The following PLD5 variants were observed in gnomAD, a reference collection of about 807,000 sequenced individuals.
PLD5 encodes inactive phospholipase D5.
Under a neutral mutation model 61.1 loss-of-function variants are expected in PLD5, and 36 were observed. That is an observed-to-expected ratio of 0.59 (90% CI 0.45 to 0.78). The LOEUF is 0.78. Ranked by LOEUF, PLD5 falls within the 30% of genes least tolerant of loss-of-function variation. The pLI, the probability that PLD5 is intolerant of heterozygous loss-of-function variation, is 0.00. For missense variants in PLD5, 515 were observed against 644.4 expected (o/e 0.80, Z 2.17); for synonymous variants, 243 against 242.8 (o/e 1.00, Z -0.01).
At chr1:242,362,386 T>C (rs1661117124) in intron 1 of PLD5, among the ~76,000 whole-genome samples, 1 of 152,214 alleles carries the variant, frequency 6.6e-6, no homozygotes, top group African/African-American at 2.4e-5. Context: ...TCATTTTCTT[T>C]TTGATTTCTT....
At position 242,470,366 on chromosome 1, in the gene PLD5, GAAAGAAAGAAAGAAAAA is replaced by G. The variant is rs1389593920; in HGVS notation, c.189+53705_189+53721del. 1.1e-3 allele frequency among the ~76,000 whole-genome samples: 82 copies of G among 75,000 alleles called. 1 individual carries two copies. The highest frequency in any genetic ancestry group is 3.2e-3 in the African/African-American group (56 of 17,738). The allele number at this position is 75,000 out of a possible 152,430, so 49.2% of individuals were successfully genotyped here. On this transcript the variant is annotated intron_variant, in intron 1 of 9. Transcript: ENST00000536534. ...CAAAGAAAAAAAAAAAAGAAAGAAA[GAAAGAAAGAAAGAAAAA>G]AAAGAAAGAAAGAAAATTGGGAAAG...
At chr1:242,223,896 T>C (rs1413520056) in intron 4 of PLD5, among the ~76,000 whole-genome samples, 1 of 151,906 alleles carries the variant, frequency 6.6e-6, no homozygotes, top group Non-Finnish European at 1.5e-5. Flanking sequence ...ATGTCTAACA[T>C]GTCCCTCAGT....
rs879266169 is a variant in PLD5 at position 242,167,067 on chromosome 1, CAATAATAATAGTAATAAT to C, written c.736-42420_736-42403del. On this transcript the variant is annotated intron_variant, in intron 5 of 9. Coordinates refer to ENST00000536534, the MANE Select transcript of PLD5 (RefSeq NM_001372062.1). Reference sequence around the variant, plus strand: ...CTGGTAGCCTTTTGAGAGTGAGAGACAATAATAATAGTAATAATAATAATAATAATAATAATAATAATA... The same window carrying C: ...CTGGTAGCCTTTTGAGAGTGAGAGACAATAATAATAATAATAATAATAATA... 3.4e-3 allele frequency among the ~76,000 whole-genome samples: 188 copies of C among 55,242 alleles called. 1 individual carries two copies. Among genetic ancestry groups the C allele is most frequent in the African/African-American group, 0.01 (148 of 14,584 alleles). The allele number at this position is 55,242 out of a possible 152,430, so 36.2% of individuals were successfully genotyped here.
chr1:242,360,321 C>T (rs1660996533), intron 1 of PLD5, among the ~76,000 whole-genome samples: 1 of 151,586 alleles, frequency 6.6e-6, no homozygotes, highest in Non-Finnish European at 1.5e-5. Flanking sequence ...TAAATACACC[C>T]TAATGAAAAA....
At chr1:242,386,960 C>T (rs1367312173) in intron 1 of PLD5, among the ~76,000 whole-genome samples, 1 of 152,092 alleles carries the variant, frequency 6.6e-6, no homozygotes, top group African/African-American at 2.4e-5. Context: ...GACTGTTACA[C>T]CAACCCTTTA....
At chr1:242,212,799 G>A (rs1442212332) in intron 5 of PLD5, among the ~76,000 whole-genome samples, 1 of 152,132 alleles carries the variant, frequency 6.6e-6, no homozygotes, top group African/African-American at 2.4e-5. Flanking sequence ...GCTAAGATTT[G>A]AGTAAAATTT....
chr1:242,208,021 C>T (rs1034555528), intron 5 of PLD5, among the ~76,000 whole-genome samples: 1 of 140,094 alleles, frequency 7.1e-6, no homozygotes, highest in African/African-American at 2.7e-5. Flanking sequence ...CACACACACA[C>T]ACATACATAT....
At chr1:242,309,333 A>G (rs902550971) in intron 2 of PLD5, among the ~76,000 whole-genome samples, 5 of 151,620 alleles carry the variant, frequency 3.3e-5, no homozygotes, top group African/African-American at 7.3e-5. Flanking sequence ...AACAACAACA[A>G]CAACAACAAA....
chr1:242,408,878 C>T (rs1664387183), intron 1 of PLD5, among the ~76,000 whole-genome samples: 1 of 152,008 alleles, frequency 6.6e-6, no homozygotes, highest in South Asian at 2.1e-4. Flanking sequence ...ACCAGCCTGG[C>T]CAACATGGTG....
chr1:242,467,691 C>T (rs1329620253), intron 1 of PLD5, among the ~76,000 whole-genome samples: 2 of 152,170 alleles, frequency 1.3e-5, no homozygotes, highest in African/African-American at 4.8e-5. Flanking sequence ...ACAGAACCGG[C>T]GTTCCTAAGA....
At chr1:242,396,025 G>T (rs1343901353) in intron 1 of PLD5, among the ~76,000 whole-genome samples, 1 of 152,066 alleles carries the variant, frequency 6.6e-6, no homozygotes, top group Non-Finnish European at 1.5e-5. Flanking sequence ...TCCAGCCTGG[G>T]TAATAAGAAT....
chr1:242,419,571 C>CTTTTTTT (rs1558550692), intron 1 of PLD5, among the ~76,000 whole-genome samples: 2 of 39,384 alleles, frequency 5.1e-5, no homozygotes, highest in African/African-American at 2.2e-4. Context: ...AAATTTTTTG[C>CTTTTTTT]ATTTTTTTTT....
intron 4 of PLD5, among the ~76,000 whole-genome samples, chr1:242,257,274 C>T (rs1381574287): frequency 6.6e-6 from 1 of 152,086 alleles, no homozygotes; most frequent in African/African-American, 2.4e-5. Context: ...AAAGTTATCA[C>T]AAAACATATA....
intron 1 of PLD5, among the ~76,000 whole-genome samples, chr1:242,372,080 T>C (rs1194610271): frequency 1.3e-5 from 2 of 152,204 alleles, no homozygotes; most frequent in African/African-American, 4.8e-5. Flanking sequence ...TGTGTCCGTG[T>C]GTTCTCATTG....
chr1:242,423,713 T>A (rs887561941), intron 1 of PLD5, among the ~76,000 whole-genome samples: 1 of 152,104 alleles, frequency 6.6e-6, no homozygotes, highest in East Asian at 1.9e-4. Context: ...TGTATGGGAA[T>A]CCCCTTATCA....
intron 8 of PLD5, among the ~76,000 whole-genome samples, chr1:242,102,261 A>G (rs1660746869): frequency 6.6e-6 from 1 of 152,218 alleles, no homozygotes; most frequent in African/African-American, 2.4e-5. Context: ...TAAAATATAC[A>G]TCTTGAGTTA....
chr1:242,288,699 C>A (rs888530226), intron 2 of PLD5, among the ~76,000 whole-genome samples, 169 bp from the exon 3 acceptor site: 3 of 152,200 alleles, frequency 2.0e-5, no homozygotes, highest in Non-Finnish European at 4.4e-5. Flanking sequence ...TTACATTTAA[C>A]CTCTACTAAC....
At chr1:242,176,366 G>C (rs993114770) in intron 5 of PLD5, among the ~76,000 whole-genome samples, 3 of 152,080 alleles carry the variant, frequency 2.0e-5, no homozygotes, top group African/African-American at 7.2e-5. Context: ...ATGGTGTTGG[G>C]GAAACTGGCT....
chr1:242,479,151 A>T (rs975071282), intron 1 of PLD5, among the ~76,000 whole-genome samples: 1 of 152,182 alleles, frequency 6.6e-6, no homozygotes, highest in Admixed American at 6.5e-5. Flanking sequence ...AAACTATCTA[A>T]AATTTATTTT....
Sources: gnomAD v4.1 joint callset for allele counts (sites outside exome capture counted in the v4.1 genomes callset) on GRCh38, gnomAD v4.1.1 for gene constraint, MANE v1.5 for transcripts, NCBI Gene and HGNC (gene_info 2026-07-23, HGNC 2026-07-21) for gene names.